RASA3: variants seen among roughly 807,000 people sequenced by gnomAD.
The protein encoded by RASA3 is ras GTPase-activating protein 3.
RASA3 carries 73 observed loss-of-function variants against 110.0 expected under a neutral mutation model. The observed-to-expected ratio is 0.66, with a 90% CI of 0.55 to 0.81. RASA3 has a LOEUF of 0.81. Among genes scored for constraint, RASA3 ranks in the 30% least tolerant of loss-of-function variants. The probability of loss-of-function intolerance (pLI) is 0.00; values close to 1 mark genes in which losing one functional copy is unlikely to be tolerated. For missense variants in RASA3, 976 were observed against 1,113.2 expected, an observed-to-expected ratio of 0.88 and a Z score of 1.75; for synonymous variants, 500 against 451.4, an observed-to-expected ratio of 1.11 and a Z score of -1.37.
At position 113,996,658 on chromosome 13, in the gene RASA3, G is replaced by A; in HGVS notation, c.2014C>T (p.Leu672Phe). Residue 672 changes from leucine (L) to phenylalanine (F), a missense_variant, in exon 21 of 24, where the codon CTC becomes TTC. Physicochemically the swap from Leu to Phe is conservative, Grantham distance 22. Transcript: ENST00000334062. ...TGGTTGCACTGGCTCACTTTGGTGA[G>A]AATGTCGATCCAGTCCTTGGCCTCC... The part of the protein sequence containing the change: ...CVEAKDWIDI[L>F]TKVSQCNQKR... 1 of 1,613,824 alleles carries A rather than the reference G, an allele frequency of 6.2e-7. No individual in the cohort carries two copies. The highest frequency in any genetic ancestry group is 8.5e-7 in the Non-Finnish European group (1 of 1,180,040).
chr13:114,018,648 G>T, intron 10 of RASA3, 115 bp downstream of exon 10: 2 of 1,338,418 alleles, frequency 1.5e-6, no homozygotes, highest in East Asian at 2.5e-5. Flanking sequence ...TGGGAGGCGT[G>T]GGAAAGGCCC....
At position 114,056,301 on chromosome 13, in the gene RASA3, C is replaced by T. The variant is rs999136163; in HGVS notation, c.174-4146G>A. Among the ~76,000 whole-genome samples the T allele has an allele frequency of 3.3e-5, 5 of 152,118 alleles. No homozygotes were observed. Among genetic ancestry groups the T allele is most frequent in the Non-Finnish European group, 5.9e-5 (4 of 68,030 alleles). On this transcript the variant is annotated intron_variant, in intron 2 of 23. Coordinates refer to ENST00000334062, the MANE Select transcript of RASA3 (RefSeq NM_007368.4). This position sits in a 1 kb window ranked among gnomAD's most constrained non-coding sequence, Gnocchi z 5.7. ...ATGCATATTTGGTGCGTGTCCGGTG[C>T]GTGGTGAGGGGCGGTGAGATGAGGA...
intron 1 of RASA3, among the ~76,000 whole-genome samples, chr13:114,081,794 C>T (rs2079792443): frequency 6.6e-6 from 1 of 152,152 alleles, no homozygotes; most frequent in African/African-American, 2.4e-5. Flanking sequence ...TGAAGCCGCC[C>T]TTCTGAGTTC....
intron 18 of RASA3, among the ~76,000 whole-genome samples, chr13:114,002,202 C>T (rs553084893): frequency 3.6e-4 from 55 of 152,320 alleles, no homozygotes; most frequent in African/African-American, 1.0e-3. Context: ...GCGGGGGAGA[C>T]GCACCTCGAC....
At chr13:114,090,250 C>T (rs377662455) in intron 1 of RASA3, among the ~76,000 whole-genome samples, 74 of 152,308 alleles carry the variant, frequency 4.9e-4, no homozygotes, top group African/African-American at 1.8e-3. Context: ...CACCTGCCTG[C>T]AAAGCGCAAG....
At chr13:114,072,298 A>G (rs1237787798) in intron 2 of RASA3, among the ~76,000 whole-genome samples, 1 of 152,114 alleles carries the variant, frequency 6.6e-6, no homozygotes, top group Non-Finnish European at 1.5e-5. Context: ...TTTCAGAAAC[A>G]CAAGTTCTGG....
At chr13:114,031,492 G>A (rs953894829) in intron 4 of RASA3, among the ~76,000 whole-genome samples, 1 of 150,962 alleles carries the variant, frequency 6.6e-6, no homozygotes, top group Admixed American at 6.6e-5. Context: ...CTGTGTGTGT[G>A]CGCGACTGTG....
intron 2 of RASA3, among the ~76,000 whole-genome samples, chr13:114,067,194 A>T (rs1184277624): frequency 1.5e-5 from 2 of 137,756 alleles, no homozygotes; most frequent in Non-Finnish European, 3.1e-5. Context: ...TCTGGGGCTG[A>T]GGACGGGCCC....
chr13:114,109,265 C>T (rs1046308281), intron 1 of RASA3, among the ~76,000 whole-genome samples: 2 of 152,196 alleles, frequency 1.3e-5, no homozygotes, highest in African/African-American at 4.8e-5. Context: ...ACGGCGACCA[C>T]GTGAAGCCTC....
At chr13:114,111,941 G>C (rs1219458831) in intron 1 of RASA3, among the ~76,000 whole-genome samples, 1 of 152,196 alleles carries the variant, frequency 6.6e-6, no homozygotes, top group Non-Finnish European at 1.5e-5. Context: ...GTTTATGCTG[G>C]TGAAGGAGGC....
At chr13:114,051,544 A>T (rs985936909) in intron 3 of RASA3, among the ~76,000 whole-genome samples, 8 of 152,198 alleles carry the variant, frequency 5.3e-5, no homozygotes, top group Non-Finnish European at 7.4e-5. Flanking sequence ...CTCCAAGAGC[A>T]GCCCCACCCC....
intron 3 of RASA3, among the ~76,000 whole-genome samples, chr13:114,051,388 G>T (rs9562212): frequency 6.6e-6 from 1 of 152,190 alleles, no homozygotes; most frequent in African/African-American, 2.4e-5. Context: ...CGCCTGCTGC[G>T]TGAGGTCTGC....
chr13:114,017,167 G>A, intron 12 of RASA3, 70 bp downstream of exon 12: 2 of 1,386,858 alleles, frequency 1.4e-6, no homozygotes, highest in Non-Finnish European at 2.0e-6. Flanking sequence ...GGATCCCAGT[G>A]CAGTGCCCTC....
intron 22 of RASA3, among the ~76,000 whole-genome samples, chr13:113,982,707 A>C (rs74116411): frequency 0.024 from 3,621 of 152,324 alleles, 140 homozygotes; most frequent in African/African-American, 0.081. Flanking sequence ...TTGAAATCCT[A>C]ACTCTCAAGG....
intron 4 of RASA3, among the ~76,000 whole-genome samples, chr13:114,037,269 C>T (rs532886204): frequency 6.6e-6 from 1 of 152,350 alleles, no homozygotes; most frequent in South Asian, 2.1e-4. Context: ...CACCGACTGT[C>T]ACAACAGCCC....
In RASA3 at chr13:113,981,722, G is replaced by A. The variant is rs904396568; in HGVS notation, c.2382C>T (p.His794=). The change falls in exon 23 of 24, where the codon CAC becomes CAT. Residue 794 remains histidine (H), a synonymous_variant. Coordinates refer to ENST00000334062, the MANE Select transcript of RASA3 (RefSeq NM_007368.4). ...IAGVGALEQE[H]AQYKRDKFKK... ...TGAACTTGTCCCTCTTATACTGGGC[G>A]TGCTCCTGCTCCAAAGCCCCAACCC... is the stretch of plus-strand genomic sequence containing the variant. The A allele has an allele frequency of 1.7e-5, 28 of 1,614,048 alleles. No individual in the cohort carries two copies. Among genetic ancestry groups the A allele is most frequent in the East Asian group, 6.7e-5 (3 of 44,874 alleles).
rs899345675 is a variant in RASA3 at position 114,116,469 on chromosome 13, C to T, written c.55+15966G>A. Among the ~76,000 whole-genome samples the T allele has an allele frequency of 2.7e-5, 4 of 149,900 alleles. 1 individual carries two copies. Among genetic ancestry groups the T allele is most frequent in the South Asian group, 4.2e-4 (2 of 4,708 alleles). ...GGGAAAGGGGAAACTGGTGACTGAGCGGCGCCCGTCAGAGCCATTAAAACG... is the reference window on the plus strand; with the variant it reads ...GGGAAAGGGGAAACTGGTGACTGAGTGGCGCCCGTCAGAGCCATTAAAACG... On this transcript the variant is annotated intron_variant, in intron 1 of 23. Transcript: ENST00000334062.
At chr13:114,092,984 TA>T (rs931696838) in intron 1 of RASA3, among the ~76,000 whole-genome samples, 1 of 151,976 alleles carries the variant, frequency 6.6e-6, no homozygotes, top group Admixed American at 6.6e-5. Flanking sequence ...CCTTTGATTG[TA>T]AAAAAAAGAG....
chr13:113,992,317 C>T (rs1044944777), intron 22 of RASA3, among the ~76,000 whole-genome samples, 168 bp downstream of exon 22: 1 of 152,244 alleles, frequency 6.6e-6, no homozygotes, highest in Non-Finnish European at 1.5e-5. Flanking sequence ...TAGCTGCCTA[C>T]CCTGCAAAAA....
Sources: allele counts gnomAD v4.1 joint callset (sites outside exome capture counted in the v4.1 genomes callset), GRCh38; gene constraint gnomAD v4.1.1; non-coding constraint Gnocchi (gnomAD v3.1); transcripts MANE v1.5; gene names NCBI Gene and HGNC (gene_info 2026-07-23, HGNC 2026-07-21).